The following MEGF11 variants were observed in gnomAD, a reference collection of about 807,000 sequenced individuals.
MEGF11 encodes multiple EGF like domains 11, also known as multiple epidermal growth factor-like domains protein 11.
MEGF11 carries 126 observed loss-of-function variants against 146.6 expected under a neutral mutation model. The ratio of observed to expected loss-of-function variants is 0.86; its 90% CI spans 0.74 to 1.00. The LOEUF (loss-of-function observed/expected upper bound fraction) is 1.00, where lower values mean the gene tolerates loss of function less well. Among genes scored for constraint, MEGF11 ranks in the 50% least tolerant of loss-of-function variants. MEGF11 has a pLI of 0.00. For missense variants in MEGF11, 1,509 were observed against 1,521.2 expected, an observed-to-expected ratio of 0.99 and a Z score of 0.13; for synonymous variants, 532 against 583.4, an observed-to-expected ratio of 0.91 and a Z score of 1.27.
At chr15:66,193,108 T>C (rs967879059) in intron 1 of MEGF11, among the ~76,000 whole-genome samples, 1 of 152,264 alleles carries the variant, frequency 6.6e-6, no homozygotes, top group East Asian at 1.9e-4. Flanking sequence ...ACTGTCAGTA[T>C]ACAAAGGCAG....
chr15:66,155,690 T>A (rs1242658732), intron 1 of MEGF11, among the ~76,000 whole-genome samples: 1 of 152,120 alleles, frequency 6.6e-6, no homozygotes, highest in African/African-American at 2.4e-5. Context: ...CTCTCCAATT[T>A]CAGTGACTTG....
intron 1 of MEGF11, among the ~76,000 whole-genome samples, chr15:66,171,491 G>T (rs2090255014): frequency 6.6e-6 from 1 of 152,136 alleles, no homozygotes; most frequent in African/African-American, 2.4e-5. Flanking sequence ...CCTACATGGG[G>T]CTGGGGACAT....
At chr15:65,978,332 T>C (rs1200860591) in intron 7 of MEGF11, among the ~76,000 whole-genome samples, 1 of 152,234 alleles carries the variant, frequency 6.6e-6, no homozygotes, top group African/African-American at 2.4e-5. Flanking sequence ...ACAGTGACTC[T>C]GCATGCACAA....
intron 5 of MEGF11, among the ~76,000 whole-genome samples, chr15:66,079,488 C>T (rs1349075566): frequency 6.6e-6 from 1 of 151,256 alleles, no homozygotes; most frequent in Non-Finnish European, 1.5e-5. Context: ...GTTGCTATAG[C>T]ATTTCCACTC....
At chr15:66,146,545 G>A (rs1488969037) in intron 1 of MEGF11, among the ~76,000 whole-genome samples, 2 of 152,240 alleles carry the variant, frequency 1.3e-5, no homozygotes, top group East Asian at 1.9e-4. Flanking sequence ...ATGCCTTCCC[G>A]TGGCTCTGCC....
chr15:65,908,581 A>G (rs1029445064), intron 23 of MEGF11, among the ~76,000 whole-genome samples: 1 of 152,144 alleles, frequency 6.6e-6, no homozygotes, highest in Non-Finnish European at 1.5e-5. Context: ...CTACCCTGTG[A>G]TTTGAGAAAG....
At chr15:65,937,575 C>T (rs139995180) in intron 10 of MEGF11, among the ~76,000 whole-genome samples, 1 of 152,372 alleles carries the variant, frequency 6.6e-6, no homozygotes, top group African/African-American at 2.4e-5. Context: ...GCCTACAAAG[C>T]CCTCTCCATT....
intron 13 of MEGF11, among the ~76,000 whole-genome samples, chr15:65,923,530 C>T (rs906430744): frequency 7.2e-5 from 11 of 152,208 alleles, no homozygotes; most frequent in African/African-American, 2.7e-4. Context: ...TCTGACCAGA[C>T]TCCTCAGCGC....
At chr15:65,993,848 G>T (rs763141294) in intron 5 of MEGF11, among the ~76,000 whole-genome samples, 1 of 152,200 alleles carries the variant, frequency 6.6e-6, no homozygotes, top group South Asian at 2.1e-4. Flanking sequence ...CATGAGGTCT[G>T]GTCTGGAGGA....
chr15:66,213,316 G>A (rs1157757825), intron 1 of MEGF11, among the ~76,000 whole-genome samples: 2 of 152,140 alleles, frequency 1.3e-5, no homozygotes, highest in African/African-American at 4.8e-5. Flanking sequence ...AGGGGAAGCA[G>A]TGTGTCCCCG....
chr15:66,213,782 TACA>T (rs1480567769), intron 1 of MEGF11, among the ~76,000 whole-genome samples: 3 of 152,026 alleles, frequency 2.0e-5, no homozygotes, highest in Admixed American at 6.6e-5. Context: ...GACTAGTAGC[TACA>T]ACATTAGACA....
chr15:66,075,316 T>C (rs1448356055), intron 5 of MEGF11, among the ~76,000 whole-genome samples: 1 of 152,232 alleles, frequency 6.6e-6, no homozygotes, highest in Non-Finnish European at 1.5e-5. Flanking sequence ...AAGGGCTCTA[T>C]GGAGACTTAA....
chr15:66,142,011 A>C, intron 1 of MEGF11, among the ~76,000 whole-genome samples: 1 of 152,084 alleles, frequency 6.6e-6, no homozygotes, highest in East Asian at 1.9e-4. Context: ...CTGAATAGGA[A>C]AGGTGAGCTT....
intron 5 of MEGF11, among the ~76,000 whole-genome samples, chr15:65,994,579 G>A (rs1192458481): frequency 6.6e-6 from 1 of 152,230 alleles, no homozygotes; most frequent in African/African-American, 2.4e-5. Context: ...TGGGTTCACA[G>A]GCACCAGGGA....
intron 23 of MEGF11, among the ~76,000 whole-genome samples, chr15:65,908,818 G>A (rs1029477497): frequency 3.3e-5 from 5 of 152,186 alleles, no homozygotes; most frequent in South Asian, 4.1e-4. Flanking sequence ...CACATCCACC[G>A]TTCACTATGG....
At chr15:66,107,059 C>CGCCCCCT (rs762104709) in intron 4 of MEGF11, among the ~76,000 whole-genome samples, 1 of 141,134 alleles carries the variant, frequency 7.1e-6, no homozygotes, top group South Asian at 2.2e-4. Context: ...TTCCTACCCC[C>CGCCCCCT]CCACCAGGTA....
At chr15:66,137,559 C>CTT (rs10647289) in intron 1 of MEGF11, among the ~76,000 whole-genome samples, 35,973 of 142,040 alleles carry the variant, frequency 0.25, 4,726 homozygotes, top group African/African-American at 0.31. Context: ...GACTTTCTTT[C>CTT]TTTTTTTTTT....
intron 10 of MEGF11, among the ~76,000 whole-genome samples, chr15:65,937,183 A>AAG (rs1169018512): frequency 2.6e-5 from 4 of 152,116 alleles, no homozygotes; most frequent in African/African-American, 9.7e-5. Context: ...TGCTGTCTAC[A>AAG]CCTGCCTCCT....
intron 5 of MEGF11, among the ~76,000 whole-genome samples, chr15:66,049,157 G>T (rs78644552): frequency 0.011 from 1,748 of 152,286 alleles, 34 homozygotes; most frequent in African/African-American, 0.04. Flanking sequence ...TTAAGTATTG[G>T]CTCCCAGATG....
Sources: allele counts gnomAD v4.1 joint callset (sites outside exome capture counted in the v4.1 genomes callset), GRCh38; gene constraint gnomAD v4.1.1; transcripts MANE v1.5; gene names NCBI Gene and HGNC (gene_info 2026-07-23, HGNC 2026-07-21).